NPC1: variants seen among roughly 807,000 people sequenced by gnomAD.
NPC1 encodes the protein NPC intracellular cholesterol transporter 1, also known as Niemann-Pick C1 protein.
NPC1 carries 85 observed loss-of-function variants against 140.4 expected under a neutral mutation model. The observed-to-expected ratio is 0.61, with a 90% CI of 0.51 to 0.72. NPC1 has a LOEUF of 0.72. Ranked by LOEUF, NPC1 falls within the 30% of genes least tolerant of loss-of-function variation. The pLI is 0.00. For synonymous variants in NPC1, 656 were observed against 624.8 expected, an observed-to-expected ratio of 1.05 and a Z score of -0.74; for missense variants, 1,504 against 1,623.8, an observed-to-expected ratio of 0.93 and a Z score of 1.27.
chr18:23,575,063 A>AC (rs966790874), intron 1 of NPC1, among the ~76,000 whole-genome samples: 14 of 152,138 alleles, frequency 9.2e-5, no homozygotes, highest in Non-Finnish European at 2.1e-4. Context: ...TCTTCCCTAG[A>AC]CCTCGCAGAA....
chr18:23,522,578 C>G (rs2058171644), exon 2 of NPC1: 1 of 152,420 alleles, frequency 6.6e-6, no homozygotes, highest in African/African-American at 2.4e-5. Flanking sequence ...CCAGGGAAGC[C>G]AAAACATTGG....
intron 1 of NPC1, among the ~76,000 whole-genome samples, chr18:23,584,006 TTC>T (rs2059386309): frequency 6.6e-6 from 1 of 152,192 alleles, no homozygotes; most frequent in Admixed American, 6.5e-5. Flanking sequence ...CTACCCAGGC[TTC>T]TCTATGTTCC....
At position 23,573,579 on chromosome 18, in the gene NPC1, A is replaced by C. The variant is rs377124729; in HGVS notation, c.58-5T>G. The C allele has an allele frequency of 6.1e-5, 98 of 1,614,072 alleles. No individual in the cohort carries two copies. Among genetic ancestry groups the C allele is most frequent in the Non-Finnish European group, 8.2e-5 (97 of 1,180,034 alleles). On this transcript the variant is annotated splice_region_variant and splice_polypyrimidine_tract_variant and intron_variant, in intron 1 of 24. Coordinates refer to ENST00000269228, the MANE Select transcript of NPC1 (RefSeq NM_000271.5). ...AACACAGGACTGTGAAAACACCTAC[A>C]GAAAGTCAACACAAACTTCAGTGTT...
chr18:23,578,968 G>A (rs536426483), intron 1 of NPC1, among the ~76,000 whole-genome samples: 2 of 152,298 alleles, frequency 1.3e-5, no homozygotes, highest in Admixed American at 1.3e-4. Flanking sequence ...GCCTCTTCCG[G>A]AACAATGCTC....
intron 4 of NPC1, among the ~76,000 whole-genome samples, chr18:23,565,092 T>A (rs1458445642): frequency 6.6e-6 from 1 of 152,216 alleles, no homozygotes; most frequent in East Asian, 1.9e-4. Flanking sequence ...CTGAGAAGTG[T>A]GAGTCTTCCT....
intron 3 of NPC1, among the ~76,000 whole-genome samples, chr18:23,507,526 G>A (rs1292363299): frequency 6.6e-6 from 1 of 152,222 alleles, no homozygotes; most frequent in Non-Finnish European, 1.5e-5. Context: ...TCTGATAGGA[G>A]CAGATATTCC....
At chr18:23,506,980 AAAG>A in intron 3 of NPC1, 1 of 1,603,806 alleles carries the variant, frequency 6.2e-7, no homozygotes, top group Non-Finnish European at 8.5e-7. Flanking sequence ...AATGGATGAC[AAAG>A]GAGAAGTGAA....
intron 14 of NPC1, among the ~76,000 whole-genome samples, chr18:23,541,853 C>T (rs150839335): frequency 1.4e-4 from 21 of 152,280 alleles, no homozygotes; most frequent in African/African-American, 4.6e-4. Context: ...AATCTACAAT[C>T]GAGTGAGGAT....
At chr18:23,542,746 T>C (rs985537886) in intron 14 of NPC1, among the ~76,000 whole-genome samples, 1 of 152,250 alleles carries the variant, frequency 6.6e-6, no homozygotes, top group Admixed American at 6.5e-5. Flanking sequence ...AAACATCTTG[T>C]AAGCGAGTGC....
At chr18:23,526,674 A>C (rs78871358), downstream of NPC1, 1,088 of 1,614,204 alleles carry the variant, frequency 6.7e-4, 6 homozygotes, top group African/African-American at 0.013. Flanking sequence ...TTGAGCCCAT[A>C]GTAAATCTCT....
chr18:23,525,611 T>TA (rs1460669290), downstream of NPC1, among the ~76,000 whole-genome samples: 1 of 151,822 alleles, frequency 6.6e-6, no homozygotes, highest in African/African-American at 2.4e-5. Flanking sequence ...TTTTAGTAGA[T>TA]ACGGGGTTTC....
downstream of NPC1, among the ~76,000 whole-genome samples, chr18:23,526,314 G>GGCTA (rs1291170509): frequency 6.6e-6 from 1 of 152,194 alleles, no homozygotes; most frequent in Non-Finnish European, 1.5e-5. Context: ...TTAAAAGAGG[G>GGCTA]GCTAGGTCTA....
At chr18:23,528,128 T>C, downstream of NPC1, 1 of 436,662 alleles carries the variant, frequency 2.3e-6, no homozygotes, top group Non-Finnish European at 4.1e-6. Context: ...ATACCTTCAC[T>C]GTTTTTGTTT....
chr18:23,531,253 T>C (rs747908990), downstream of NPC1, among the ~76,000 whole-genome samples: 1 of 152,090 alleles, frequency 6.6e-6, no homozygotes, highest in Non-Finnish European at 1.5e-5. Flanking sequence ...CCTCCCAAAG[T>C]GCTGGGATTA....
intron 14 of NPC1, among the ~76,000 whole-genome samples, chr18:23,541,867 A>C (rs1403511137): frequency 6.6e-6 from 1 of 152,222 alleles, no homozygotes; most frequent in Non-Finnish European, 1.5e-5. Context: ...TGAGGATCAA[A>C]GGCATGAGGG....
At chr18:23,543,709 G>T in intron 13 of NPC1, 140 bp from the exon 14 acceptor site, 1 of 647,250 alleles carries the variant, frequency 1.5e-6, no homozygotes, top group South Asian at 1.8e-5. Context: ...TATAAACTTC[G>T]GTGGGGGACT....
chr18:23,543,243 C>A (rs537134531), intron 14 of NPC1, among the ~76,000 whole-genome samples: 1 of 149,290 alleles, frequency 6.7e-6, no homozygotes, highest in Non-Finnish European at 1.5e-5. Flanking sequence ...GCAGGAAAAT[C>A]GCTTGAACCC....
chr18:23,512,620 T>C (rs1457317699), intron 3 of NPC1, among the ~76,000 whole-genome samples: 2 of 150,206 alleles, frequency 1.3e-5, no homozygotes, highest in Non-Finnish European at 3.0e-5. Context: ...TTTGTAGAGA[T>C]GAGGTCTTGC....
downstream of NPC1, chr18:23,529,595 C>A (rs2058423041): frequency 9.1e-6 from 14 of 1,546,268 alleles, no homozygotes; most frequent in Non-Finnish European, 1.3e-5. Context: ...CTCTTTTGCA[C>A]CTCGTTGGTA....
Sources: allele counts gnomAD v4.1 joint callset (sites outside exome capture counted in the v4.1 genomes callset), GRCh38; gene constraint gnomAD v4.1.1; transcripts MANE v1.5; gene names NCBI Gene and HGNC (gene_info 2026-07-23, HGNC 2026-07-21).